SYNDIG1: variants seen among roughly 807,000 people sequenced by gnomAD.
SYNDIG1 encodes synapse differentiation-inducing gene protein 1.
A neutral mutation model predicts 19.4 loss-of-function variants in SYNDIG1; 9 were observed. The observed-to-expected ratio is 0.46, with a 90% CI of 0.28 to 0.81. The LOEUF is 0.81. SYNDIG1 is among the 30% of genes least tolerant of loss of function. The pLI is 0.12. For missense variants in SYNDIG1, 311 were observed against 343.3 expected, an observed-to-expected ratio of 0.91 and a Z score of 0.74; for synonymous variants, 141 against 145.9, an observed-to-expected ratio of 0.97 and a Z score of 0.24.
intron 2 of SYNDIG1, among the ~76,000 whole-genome samples, chr20:24,581,136 C>G (rs909934297): frequency 6.6e-6 from 1 of 152,138 alleles, no homozygotes; most frequent in Non-Finnish European, 1.5e-5. Context: ...CAGCCATGTG[C>G]AAACCCAGCA....
At chr20:24,634,980 G>T (rs1029749597) in intron 3 of SYNDIG1, among the ~76,000 whole-genome samples, 1 of 152,186 alleles carries the variant, frequency 6.6e-6, no homozygotes. Flanking sequence ...AGGCATCATC[G>T]GATCCTGCAG....
At chr20:24,567,552 G>A (rs1325813273) in intron 2 of SYNDIG1, among the ~76,000 whole-genome samples, 2 of 152,228 alleles carry the variant, frequency 1.3e-5, no homozygotes, top group African/African-American at 2.4e-5. Flanking sequence ...AGAGCCCAAA[G>A]GGGCTCTGAC....
intron 3 of SYNDIG1, among the ~76,000 whole-genome samples, chr20:24,618,819 CCTTT>C (rs1309053621): frequency 6.8e-6 from 1 of 146,410 alleles, no homozygotes; most frequent in African/African-American, 2.6e-5. Context: ...TTTCCTTTTT[CCTTT>C]CTTTGTTTTT....
chr20:24,494,160 G>A (rs999678378), intron 1 of SYNDIG1, among the ~76,000 whole-genome samples: 2 of 152,138 alleles, frequency 1.3e-5, no homozygotes, highest in African/African-American at 4.8e-5. Context: ...GGGGCGGGGC[G>A]GCGCGCATGG....
chr20:24,488,459 G>A (rs374920849), intron 1 of SYNDIG1, among the ~76,000 whole-genome samples: 15 of 152,312 alleles, frequency 9.8e-5, no homozygotes, highest in Middle Eastern at 3.4e-3. Context: ...GTGGTGTGCC[G>A]ACAACAATGG....
intron 2 of SYNDIG1, among the ~76,000 whole-genome samples, chr20:24,568,944 G>A (rs2058096539): frequency 6.6e-6 from 1 of 152,172 alleles, no homozygotes; most frequent in Admixed American, 6.5e-5. Flanking sequence ...TCCGTAACCA[G>A]TTCTGAAGGC....
chr20:24,478,067 C>T (rs1023966160), intron 1 of SYNDIG1, among the ~76,000 whole-genome samples: 2 of 152,210 alleles, frequency 1.3e-5, no homozygotes, highest in Non-Finnish European at 2.9e-5. Context: ...ACAGGGCCGC[C>T]TGGCTGCCCT....
chr20:24,535,087 A>G (rs1360103917), intron 1 of SYNDIG1, among the ~76,000 whole-genome samples: 1 of 152,222 alleles, frequency 6.6e-6, no homozygotes, highest in African/African-American at 2.4e-5. Flanking sequence ...ATGCAGAGCC[A>G]TAAGAAAACA....
chr20:24,640,150 A>G (rs2059357080), intron 3 of SYNDIG1, among the ~76,000 whole-genome samples: 1 of 152,084 alleles, frequency 6.6e-6, no homozygotes, highest in Non-Finnish European at 1.5e-5. Context: ...CCTGGTCAAC[A>G]TGGTAAAACC....
At chr20:24,585,045 G>A in intron 3 of SYNDIG1, 52 bp downstream of exon 3, 2 of 1,369,416 alleles carry the variant, frequency 1.5e-6, no homozygotes, top group Non-Finnish European at 2.0e-6. Flanking sequence ...CACAGGGTGG[G>A]GGTGGGGGCG....
rs1473913873 is a variant in SYNDIG1, at chr20:24,590,488, G to T, written c.618+5495G>T. Reference sequence around the variant, plus strand: ...GCCTTCAGAGAACAGGGCGGAGGGGGAGGCGCAGGGCGACGACGGCAGTGG... The same window carrying T: ...GCCTTCAGAGAACAGGGCGGAGGGGTAGGCGCAGGGCGACGACGGCAGTGG... On this transcript the variant is annotated intron_variant, in intron 3 of 3. Transcript: ENST00000376862. Among the ~76,000 whole-genome samples the T allele has an allele frequency of 1.2e-4, 19 of 152,266 alleles. No individual in the cohort carries two copies. In the East Asian group the frequency reaches 3.7e-3, roughly 29 times the overall value.
At chr20:24,475,905 G>A (rs920973048) in intron 1 of SYNDIG1, among the ~76,000 whole-genome samples, 2 of 149,436 alleles carry the variant, frequency 1.3e-5, no homozygotes, top group African/African-American at 5.0e-5. Flanking sequence ...CTATCACCCA[G>A]GCTGGAGTGC....
At chr20:24,651,047 T>C (rs2059467960) in intron 3 of SYNDIG1, among the ~76,000 whole-genome samples, 1 of 152,146 alleles carries the variant, frequency 6.6e-6, no homozygotes, top group South Asian at 2.1e-4. Flanking sequence ...CATGTTGCCC[T>C]GGGTAGTCTC....
chr20:24,557,812 T>C (rs528138527), intron 2 of SYNDIG1, among the ~76,000 whole-genome samples: 4 of 152,310 alleles, frequency 2.6e-5, no homozygotes, highest in South Asian at 2.1e-4. Context: ...AGCCGCATGC[T>C]GGGAGAACCA....
chr20:24,488,864 G>A (rs1037318374), intron 1 of SYNDIG1, among the ~76,000 whole-genome samples: 11 of 152,130 alleles, frequency 7.2e-5, no homozygotes, highest in South Asian at 4.1e-4. Context: ...GAGCATCCCC[G>A]GGCGCTCGGA....
At chr20:24,647,002 T>C (rs1160595022) in intron 3 of SYNDIG1, among the ~76,000 whole-genome samples, 1 of 152,208 alleles carries the variant, frequency 6.6e-6, no homozygotes, top group Non-Finnish European at 1.5e-5. Context: ...CAGCCTCAGG[T>C]ATTCTGTGAT....
At position 24,472,355 on chromosome 20, in the gene SYNDIG1, A is replaced by C. The variant is rs566104936; in HGVS notation, c.-79+2602A>C. The stretch of plus-strand genomic sequence containing the variant: ...TAGGCAAGAGAATTTTTTTTGATAA[A>C]AACTTTAAAACTCAGTTCAAAAATT... On this transcript the variant is annotated intron_variant, in intron 1 of 3. Coordinates refer to ENST00000376862, the MANE Select transcript of SYNDIG1 (RefSeq NM_024893.3). Among the ~76,000 whole-genome samples the C allele has an allele frequency of 5.3e-5, 8 of 152,342 alleles. No individual in the cohort carries two copies. The South Asian group carries it at 1.7e-3, about 32-fold the overall frequency.
intron 2 of SYNDIG1, among the ~76,000 whole-genome samples, chr20:24,584,319 C>T (rs140849690): frequency 2.0e-5 from 3 of 152,330 alleles, no homozygotes; most frequent in Non-Finnish European, 2.9e-5. Context: ...TGTCCTCCGT[C>T]GATCCACATC....
At chr20:24,506,220 G>C (rs772999615) in intron 1 of SYNDIG1, among the ~76,000 whole-genome samples, 6 of 152,224 alleles carry the variant, frequency 3.9e-5, no homozygotes, top group Non-Finnish European at 7.3e-5. Context: ...GTAAGAGTCT[G>C]TCTGTCCAGC....
Sources: allele counts gnomAD v4.1 joint callset (sites outside exome capture counted in the v4.1 genomes callset), GRCh38; gene constraint gnomAD v4.1.1; transcripts MANE v1.5; gene names NCBI Gene and HGNC (gene_info 2026-07-23, HGNC 2026-07-21).